CDH13: variants seen among roughly 807,000 people sequenced by gnomAD.
CDH13 encodes the protein cadherin-13.
Under a neutral mutation model 63.8 loss-of-function variants are expected in CDH13, and 24 were observed. The observed-to-expected ratio is 0.38, with a 90% CI of 0.27 to 0.53. CDH13 has a LOEUF of 0.53. Among genes scored for constraint, CDH13 ranks in the 20% least tolerant of loss-of-function variants. The pLI is 0.85. For missense variants in CDH13, 1,049 were observed against 903.1 expected (o/e 1.16, Z -2.07); for synonymous variants, 503 against 355.3 (o/e 1.42, Z -4.67).
intron 1 of CDH13, among the ~76,000 whole-genome samples, chr16:82,723,784 G>A (rs2032928380): frequency 6.6e-6 from 1 of 152,128 alleles, no homozygotes. Context: ...AGCCTACCTT[G>A]AGTAATCAGA....
intron 2 of CDH13, among the ~76,000 whole-genome samples, chr16:83,002,782 A>G (rs557875006): frequency 2.6e-4 from 39 of 152,108 alleles, no homozygotes; most frequent in Non-Finnish European, 4.7e-4. Flanking sequence ...GTGGAGGAAA[A>G]GCTGTCTAGA....
At position 83,132,139 on chromosome 16, in the gene CDH13, C is replaced by T. The variant is rs114350550; in HGVS notation, c.483+6638C>T. Among the ~76,000 whole-genome samples, 870 of 152,166 alleles carry T rather than the reference C, an allele frequency of 5.7e-3. 6 individuals carry two copies. Among genetic ancestry groups the T allele is most frequent in the African/African-American group, 0.019 (805 of 41,518 alleles). On this transcript the variant is annotated intron_variant, in intron 4 of 13. Coordinates refer to ENST00000567109, the MANE Select transcript of CDH13 (RefSeq NM_001257.5). ...TTTTATTCTATTTAATAGCCATTTG[C>T]CTCACTTTGAAGACCCACGAAGACC... is the stretch of plus-strand genomic sequence containing the variant.
intron 6 of CDH13, among the ~76,000 whole-genome samples, chr16:83,446,677 A>G (rs1034871663): frequency 6.6e-6 from 1 of 152,176 alleles, no homozygotes; most frequent in Non-Finnish European, 1.5e-5. Context: ...CAGATAGGAA[A>G]GTCTTCCCTG....
In CDH13 at chr16:83,780,026, C is replaced by T; in HGVS notation, c.1740C>T (p.Asp580=). 1 of 1,614,010 alleles carries T rather than the reference C, an allele frequency of 6.2e-7. No homozygotes were observed. Among genetic ancestry groups the T allele is most frequent in the South Asian group, 1.1e-5 (1 of 91,082 alleles). The change falls in exon 12 of 14, where the codon GAC becomes GAT. Residue 580 remains aspartate (D), a synonymous_variant. Transcript: ENST00000567109. The part of the protein sequence containing the change: ...TLLITLEDVN[D]NAPFIYPTVA... The stretch of plus-strand genomic sequence containing the variant: ...TGATAACCCTGGAGGACGTGAATGA[C>T]AATGCCCCGTTCATTTACCCCACAG...
intron 6 of CDH13, among the ~76,000 whole-genome samples, chr16:83,346,373 C>A (rs903234654): frequency 6.6e-6 from 1 of 152,158 alleles, no homozygotes; most frequent in Non-Finnish European, 1.5e-5. Flanking sequence ...TTACAGAAAT[C>A]TTCTTAAACG....
At chr16:82,788,845 G>C (rs1375418913) in intron 1 of CDH13, among the ~76,000 whole-genome samples, 1 of 152,192 alleles carries the variant, frequency 6.6e-6, no homozygotes, top group Non-Finnish European at 1.5e-5. Context: ...TAGCATAATT[G>C]ACATGCATGA....
At chr16:83,698,310 A>C (rs998321246) in intron 10 of CDH13, among the ~76,000 whole-genome samples, 2 of 152,190 alleles carry the variant, frequency 1.3e-5, no homozygotes, top group Admixed American at 6.5e-5. Flanking sequence ...AAATATCTTC[A>C]CTTAATTATT....
rs528929644 is a variant in CDH13, at chr16:82,907,768, C to T, written c.157+49295C>T. Reference sequence around the variant, plus strand: ...CAAGGACTGCTGTAGATGATTCCTGCATAGCCAGCGCTGTGCAGGGCCTCC... The same window carrying T: ...CAAGGACTGCTGTAGATGATTCCTGTATAGCCAGCGCTGTGCAGGGCCTCC... On this transcript the variant is annotated intron_variant, in intron 2 of 13. Coordinates refer to ENST00000567109, the MANE Select transcript of CDH13 (RefSeq NM_001257.5). 9.2e-5 allele frequency among the ~76,000 whole-genome samples: 14 copies of T among 152,292 alleles called. No individual in the cohort carries two copies. The South Asian group carries it at 2.7e-3, about 29-fold the overall frequency.
chr16:83,145,830 C>T (rs967283728), intron 4 of CDH13, among the ~76,000 whole-genome samples: 38 of 152,100 alleles, frequency 2.5e-4, no homozygotes, highest in Middle Eastern at 3.2e-3. Flanking sequence ...GAAGGTCCCA[C>T]CTTTAGGTAG....
intron 6 of CDH13, among the ~76,000 whole-genome samples, chr16:83,452,268 G>C (rs2072905401): frequency 6.6e-6 from 1 of 152,158 alleles, no homozygotes; most frequent in Admixed American, 6.5e-5. Flanking sequence ...GTTTTCTTGT[G>C]CAGAGGATTT....
intron 2 of CDH13, among the ~76,000 whole-genome samples, chr16:82,873,511 G>C (rs1007082972): frequency 6.6e-6 from 1 of 152,112 alleles, no homozygotes; most frequent in Non-Finnish European, 1.5e-5. Flanking sequence ...ACAGGACAGT[G>C]GTGTGGGCTC....
At chr16:83,721,856 A>G (rs1909736374) in intron 10 of CDH13, 1 of 152,256 alleles carries the variant, frequency 6.6e-6, no homozygotes, top group Non-Finnish European at 1.5e-5. Context: ...GGAGAAGCTG[A>G]TAATGCAAGA....
intron 2 of CDH13, among the ~76,000 whole-genome samples, chr16:82,862,126 C>T (rs979225217): frequency 6.6e-6 from 1 of 152,188 alleles, no homozygotes; most frequent in Non-Finnish European, 1.5e-5. Flanking sequence ...CCATATCTCC[C>T]TCAAATTGCC....
At chr16:82,872,868 T>G (rs996477708) in intron 2 of CDH13, among the ~76,000 whole-genome samples, 4 of 152,350 alleles carry the variant, frequency 2.6e-5, no homozygotes, top group African/African-American at 7.2e-5. Context: ...GACCCTGTGC[T>G]AAGTATAAGG....
At chr16:82,815,469 C>G (rs1291169676) in intron 1 of CDH13, among the ~76,000 whole-genome samples, 1 of 152,116 alleles carries the variant, frequency 6.6e-6, no homozygotes, top group African/African-American at 2.4e-5. Flanking sequence ...TAGTGTGTGT[C>G]AGGTGCTCAG....
At chr16:83,513,027 G>GA (rs371927742) in intron 7 of CDH13, among the ~76,000 whole-genome samples, 86 of 125,110 alleles carry the variant, frequency 6.9e-4, no homozygotes, top group African/African-American at 1.8e-3. Flanking sequence ...AATAAAAGAA[G>GA]AAAAAAAAAA....
At chr16:83,201,749 A>G (rs532974705) in intron 4 of CDH13, among the ~76,000 whole-genome samples, 6 of 151,712 alleles carry the variant, frequency 4.0e-5, no homozygotes, top group Admixed American at 3.9e-4. Context: ...AAAATTAAAA[A>G]AAAAAAAAAC....
chr16:83,216,443 T>TATATATATATATAC lies in CDH13; in HGVS notation c.484-901_484-900insTATATATATATACA, dbSNP rs1472700247. Among the ~76,000 whole-genome samples the TATATATATATATAC allele has an allele frequency of 6.1e-3, 570 of 93,380 alleles. 28 individuals carry two copies. The highest frequency in any genetic ancestry group is 8.4e-3 in the Non-Finnish European group (378 of 45,080). 61.3% of individuals were successfully genotyped at this position (93,380 alleles called of 152,430 possible). A position where few individuals can be genotyped will look rare whatever the true frequency, so the allele number is the denominator to read the frequency against. On this transcript the variant is annotated intron_variant, in intron 4 of 13. Transcript: ENST00000567109. Reference sequence around the variant, plus strand: ...ATATATATATATATATATATATATATACACAACCCTAATTTGAGGTTTATA... The same window carrying TATATATATATATAC: ...ATATATATATATATATATATATATATATATATATATATACACACAACCCTAATTTGAGGTTTATA...
chr16:83,060,810 C>G (rs1433473131), intron 3 of CDH13, among the ~76,000 whole-genome samples: 1 of 152,178 alleles, frequency 6.6e-6, no homozygotes, highest in Non-Finnish European at 1.5e-5. Flanking sequence ...GCTGTGAACC[C>G]TTGCTTTCAG....
Sources: gnomAD v4.1 joint callset for allele counts (sites outside exome capture counted in the v4.1 genomes callset) on GRCh38, gnomAD v4.1.1 for gene constraint, MANE v1.5 for transcripts, NCBI Gene and HGNC (gene_info 2026-07-23, HGNC 2026-07-21) for gene names.